QTGAL: variants seen among roughly 807,000 people sequenced by gnomAD.
QTGAL encodes queuosine-tRNA galactosyltransferase.
chr17:83,026,143 A>G, the QTGAL span, among the ~76,000 whole-genome samples: 2 of 152,242 alleles, frequency 1.3e-5, no homozygotes, highest in South Asian at 2.1e-4. Context: ...ATCCAGGCAC[A>G]GAGAGGCCCC....
the QTGAL span, chr17:83,014,443 C>G: frequency 1.2e-6 from 2 of 1,613,614 alleles, no homozygotes; most frequent in Admixed American, 3.3e-5. Context: ...ACTAAGGAGG[C>G]CAGTACTTAC....
At chr17:82,959,017 GTAT>G in the QTGAL span, among the ~76,000 whole-genome samples, 1 of 24,372 alleles carries the variant, frequency 4.1e-5, no homozygotes, top group Non-Finnish European at 6.7e-5. Flanking sequence ...GTGTGGGGGT[GTAT>G]GGTGTGTGTG....
chr17:83,048,500 C>A, the QTGAL span: 2 of 1,613,560 alleles, frequency 1.2e-6, no homozygotes, highest in Admixed American at 1.7e-5. Flanking sequence ...ATCGTGCCCC[C>A]CAATGATCAC....
chr17:82,962,274 C>T, the QTGAL span, among the ~76,000 whole-genome samples: 1 of 152,224 alleles, frequency 6.6e-6, no homozygotes, highest in Non-Finnish European at 1.5e-5. Context: ...ACTGTTTAAC[C>T]TCCGCCTCTC....
At chr17:82,962,081 G>C in the QTGAL span, among the ~76,000 whole-genome samples, 1 of 152,230 alleles carries the variant, frequency 6.6e-6, no homozygotes, top group Non-Finnish European at 1.5e-5. Context: ...GGAAAGGGCA[G>C]GTTTTCTGAG....
At chr17:82,969,318 C>A in the QTGAL span, among the ~76,000 whole-genome samples, 2 of 151,926 alleles carry the variant, frequency 1.3e-5, no homozygotes, top group Non-Finnish European at 2.9e-5. Flanking sequence ...CACCACCACG[C>A]CTGGCTGATT....
chr17:82,991,054 A>G, the QTGAL span, among the ~76,000 whole-genome samples: 2 of 152,254 alleles, frequency 1.3e-5, no homozygotes, highest in Non-Finnish European at 2.9e-5. Context: ...TGATTAAGAT[A>G]ATAATCCAGA....
the QTGAL span, chr17:82,965,616 G>C: frequency 1.3e-6 from 2 of 1,549,240 alleles, no homozygotes; most frequent in Non-Finnish European, 8.8e-7. Flanking sequence ...CCCCGAACCT[G>C]GGGGAGGGAC....
the QTGAL span, among the ~76,000 whole-genome samples, chr17:82,983,319 G>A: frequency 6.6e-6 from 1 of 152,146 alleles, no homozygotes; most frequent in Non-Finnish European, 1.5e-5. Context: ...TTTTATGTGA[G>A]TCTAAAATTA....
the QTGAL span, among the ~76,000 whole-genome samples, chr17:82,985,013 A>G: frequency 6.6e-6 from 1 of 152,084 alleles, no homozygotes; most frequent in Non-Finnish European, 1.5e-5. Flanking sequence ...GGTTCTGCCC[A>G]TGCCTCCCCT....
chr17:82,961,715 A>G, the QTGAL span, among the ~76,000 whole-genome samples: 1 of 152,226 alleles, frequency 6.6e-6, no homozygotes, highest in Non-Finnish European at 1.5e-5. Context: ...CACTTGTCCA[A>G]GCTCAGAAAC....
chr17:83,051,160 C>A, the QTGAL span, among the ~76,000 whole-genome samples: 4 of 15,508 alleles, frequency 2.6e-4, no homozygotes, highest in East Asian at 1.5e-3. Context: ...GGCAGGTGTG[C>A]GGGGGCGGGG....
At chr17:82,968,193 G>T in the QTGAL span, among the ~76,000 whole-genome samples, 1 of 151,976 alleles carries the variant, frequency 6.6e-6, no homozygotes, top group Non-Finnish European at 1.5e-5. Flanking sequence ...GTGTGTTCAC[G>T]GCAGTCCCAG....
At chr17:83,048,675 G>A in the QTGAL span, 1 of 1,613,030 alleles carries the variant, frequency 6.2e-7, no homozygotes, top group Non-Finnish European at 8.5e-7. Flanking sequence ...AAACCTTACT[G>A]GCATCATTGA....
the QTGAL span, chr17:83,007,018 G>A: frequency 2.7e-6 from 1 of 372,062 alleles, no homozygotes; most frequent in Non-Finnish European, 3.7e-6. Flanking sequence ...CCGTTCTGAT[G>A]GCACCGTGCT....
chr17:82,979,875 A>G, the QTGAL span, among the ~76,000 whole-genome samples: 2 of 152,256 alleles, frequency 1.3e-5, no homozygotes, highest in Non-Finnish European at 2.9e-5. Flanking sequence ...GGAGGGACAG[A>G]CACACAGGTC....
At chr17:83,010,451 G>A in the QTGAL span, among the ~76,000 whole-genome samples, 2 of 152,242 alleles carry the variant, frequency 1.3e-5, no homozygotes, top group Non-Finnish European at 2.9e-5. Flanking sequence ...GTCAGTCACT[G>A]CAACAGCTTC....
At chr17:83,012,682 G>T in the QTGAL span, among the ~76,000 whole-genome samples, 302 of 152,212 alleles carry the variant, frequency 2.0e-3, no homozygotes, top group Non-Finnish European at 2.9e-3. Flanking sequence ...CTCCATGTGC[G>T]ATATCTCACA....
the QTGAL span, among the ~76,000 whole-genome samples, chr17:83,021,685 C>G: frequency 5.2e-3 from 787 of 152,080 alleles, 6 homozygotes; most frequent in African/African-American, 0.017. Flanking sequence ...AAAGAAAAAA[C>G]GAAAAAAACC....
Sources: allele counts gnomAD v4.1 joint callset (sites outside exome capture counted in the v4.1 genomes callset), GRCh38; gene constraint gnomAD v4.1.1; transcripts MANE v1.5; gene names NCBI Gene and HGNC (gene_info 2026-07-23, HGNC 2026-07-21).